The following GRID2 variants were observed in gnomAD, a reference collection of about 807,000 sequenced individuals.
GRID2 encodes glutamate receptor ionotropic, delta-2.
A neutral mutation model predicts 114.8 loss-of-function variants in GRID2; 33 were observed. The ratio of observed to expected loss-of-function variants is 0.29; its 90% CI spans 0.22 to 0.38. GRID2 has a LOEUF of 0.38. Ranked by LOEUF, GRID2 falls within the 10% of genes least tolerant of loss-of-function variation. The pLI is 1.00. For missense variants in GRID2, 1,184 were observed against 1,257.7 expected, an observed-to-expected ratio of 0.94 and a Z score of 0.89; for synonymous variants, 505 against 449.9, an observed-to-expected ratio of 1.12 and a Z score of -1.55.
At chr4:93,030,653 G>A (rs918905070) in intron 2 of GRID2, among the ~76,000 whole-genome samples, 9 of 152,094 alleles carry the variant, frequency 5.9e-5, no homozygotes, top group African/African-American at 2.2e-4. Flanking sequence ...CCAAAGTGCG[G>A]GGATTACAGG....
At chr4:93,303,704 C>G (rs775868695) in intron 8 of GRID2, among the ~76,000 whole-genome samples, 7 of 152,128 alleles carry the variant, frequency 4.6e-5, no homozygotes, top group Non-Finnish European at 8.8e-5. Context: ...TGTATCCATA[C>G]ACCTATCCAT....
chr4:92,807,348 C>A (rs2149376495), intron 2 of GRID2, among the ~76,000 whole-genome samples: 1 of 152,002 alleles, frequency 6.6e-6, no homozygotes, highest in East Asian at 1.9e-4. Flanking sequence ...ACCTAGGCAA[C>A]ATATATGTTG....
At chr4:93,727,344 T>C (rs931127237) in intron 14 of GRID2, among the ~76,000 whole-genome samples, 24 of 152,290 alleles carry the variant, frequency 1.6e-4, no homozygotes, top group African/African-American at 5.3e-4. Context: ...GCCCACTTGA[T>C]CATGGTGGAT....
intron 2 of GRID2, among the ~76,000 whole-genome samples, chr4:92,841,479 C>A (rs190402880): frequency 1.6e-4 from 25 of 152,104 alleles, no homozygotes; most frequent in Admixed American, 1.3e-4. Context: ...TATTTCCAGA[C>A]CACAAGACTC....
intron 2 of GRID2, among the ~76,000 whole-genome samples, chr4:92,659,889 A>G (rs374369780): frequency 6.6e-6 from 1 of 151,470 alleles, no homozygotes; most frequent in South Asian, 2.1e-4. Context: ...TAGTTAGTAC[A>G]TTCTTTCCTC....
At chr4:92,946,006 C>G (rs1172953356) in intron 2 of GRID2, among the ~76,000 whole-genome samples, 1 of 152,120 alleles carries the variant, frequency 6.6e-6, no homozygotes, top group African/African-American at 2.4e-5. Flanking sequence ...CTGCTAATGA[C>G]TACCAATTGT....
chr4:93,478,617 C>G (rs1483312105), intron 11 of GRID2, among the ~76,000 whole-genome samples: 2 of 151,222 alleles, frequency 1.3e-5, no homozygotes, highest in Non-Finnish European at 3.0e-5. Flanking sequence ...AATTAACTAA[C>G]TACATATTAA....
rs1408838433 is a variant in GRID2 at position 93,293,948 on chromosome 4, CAT to C, written c.1245+55461_1245+55462del. On this transcript the variant is annotated intron_variant, in intron 8 of 15. Transcript: ENST00000282020. Reference sequence around the variant, plus strand: ...AGACAGAAACTAAGTGAACACATAACATATCATGTACTGATCACAGACGGCGA... The same window carrying C: ...AGACAGAAACTAAGTGAACACATAACATCATGTACTGATCACAGACGGCGA... 2.0e-5 allele frequency among the ~76,000 whole-genome samples: 3 copies of C among 152,150 alleles called. No homozygotes were observed. In the East Asian group the frequency reaches 5.8e-4, roughly 29 times the overall value.
intron 1 of GRID2, among the ~76,000 whole-genome samples, chr4:92,345,698 GA>G (rs1186284281): frequency 6.6e-6 from 1 of 151,968 alleles, no homozygotes; most frequent in Non-Finnish European, 1.5e-5. Flanking sequence ...TATCTATAAC[GA>G]TTTCCTGCTA....
At chr4:93,741,299 G>A (rs1170901870) in intron 14 of GRID2, among the ~76,000 whole-genome samples, 1 of 149,908 alleles carries the variant, frequency 6.7e-6, no homozygotes, top group African/African-American at 2.5e-5. Context: ...TGCTCCTCAT[G>A]TAAATTGCTA....
chr4:93,019,969 G>T (rs1054139673), intron 2 of GRID2, among the ~76,000 whole-genome samples: 2 of 152,104 alleles, frequency 1.3e-5, no homozygotes, highest in Non-Finnish European at 2.9e-5. Context: ...TGTGGAATCC[G>T]ATTGCCTGTG....
chr4:93,018,003 T>C, intron 2 of GRID2, among the ~76,000 whole-genome samples: 1 of 151,246 alleles, frequency 6.6e-6, no homozygotes, highest in South Asian at 2.1e-4. Flanking sequence ...CTTGGAGGAT[T>C]ACAATCTAAT....
At chr4:93,781,232 A>T (rs1399184113) in intron 1 of GRID2, among the ~76,000 whole-genome samples, 1 of 152,182 alleles carries the variant, frequency 6.6e-6, no homozygotes, top group Non-Finnish European at 1.5e-5. Context: ...TTAACAAGTG[A>T]TGGGGAACTG....
At chr4:93,032,679 A>G (rs1023642554) in intron 2 of GRID2, among the ~76,000 whole-genome samples, 17 of 152,198 alleles carry the variant, frequency 1.1e-4, no homozygotes, top group Non-Finnish European at 1.9e-4. Context: ...TTGCAGATAC[A>G]GTCACAGATG....
chr4:93,189,935 T>C (rs1740825819), intron 4 of GRID2, among the ~76,000 whole-genome samples: 1 of 152,114 alleles, frequency 6.6e-6, no homozygotes, highest in Non-Finnish European at 1.5e-5. Flanking sequence ...AGTGGTAACT[T>C]TTTCCCTTTG....
At chr4:93,459,525 A>G (rs546875235) in intron 11 of GRID2, among the ~76,000 whole-genome samples, 3 of 152,328 alleles carry the variant, frequency 2.0e-5, no homozygotes, top group African/African-American at 7.2e-5. Context: ...TAAATAAGGA[A>G]GGATGACAAG....
At chr4:92,778,869 T>A (rs1320048762) in intron 2 of GRID2, among the ~76,000 whole-genome samples, 1 of 152,080 alleles carries the variant, frequency 6.6e-6, no homozygotes, top group Admixed American at 6.6e-5. Flanking sequence ...GCCTTAAAGA[T>A]AATCTATTAT....
At chr4:93,497,857 T>G (rs1268585450) in intron 12 of GRID2, among the ~76,000 whole-genome samples, 1 of 151,890 alleles carries the variant, frequency 6.6e-6, no homozygotes, top group Non-Finnish European at 1.5e-5. Context: ...ATCTTGTCTA[T>G]ATCTACAAAA....
At chr4:92,916,513 C>G (rs534256589) in intron 2 of GRID2, among the ~76,000 whole-genome samples, 1 of 151,900 alleles carries the variant, frequency 6.6e-6, no homozygotes, top group Admixed American at 6.6e-5. Context: ...CTCCCCCCAG[C>G]CCCCACCCCA....
Sources: gnomAD v4.1 joint callset for allele counts (sites outside exome capture counted in the v4.1 genomes callset) on GRCh38, gnomAD v4.1.1 for gene constraint, MANE v1.5 for transcripts, NCBI Gene and HGNC (gene_info 2026-07-23, HGNC 2026-07-21) for gene names.